The following TTC27 variants were observed in gnomAD, a reference collection of about 807,000 sequenced individuals.
The protein encoded by TTC27 is tetratricopeptide repeat protein 27.
Under a neutral mutation model 115.9 loss-of-function variants are expected in TTC27, and 79 were observed. The observed-to-expected ratio is 0.68, with a 90% confidence interval of 0.57 to 0.82. The LOEUF is 0.82. Among genes scored for constraint, TTC27 ranks in the 40% least tolerant of loss-of-function variants. TTC27 has a pLI of 0.00. For synonymous variants in TTC27, 401 were observed against 356.0 expected (o/e 1.13, Z -1.42); for missense variants, 1,054 against 993.1 (o/e 1.06, Z -0.82).
intron 7 of TTC27, among the ~76,000 whole-genome samples, chr2:32,668,560 C>CCTT (rs1665881149): frequency 3.8e-4 from 6 of 15,994 alleles, no homozygotes; most frequent in Admixed American, 1.3e-3. Context: ...CTCCCTCCCT[C>CCTT]CCTTCCTTCC....
At chr2:32,751,731 A>G (rs932593531) in intron 12 of TTC27, among the ~76,000 whole-genome samples, 2 of 152,216 alleles carry the variant, frequency 1.3e-5, no homozygotes, top group African/African-American at 4.8e-5. Context: ...TTTGGAAAAT[A>G]CTAGGGAAGA....
intron 4 of TTC27, among the ~76,000 whole-genome samples, chr2:32,649,407 A>G (rs995837696): frequency 2.6e-5 from 4 of 151,786 alleles, no homozygotes; most frequent in African/African-American, 9.7e-5. Context: ...ATGTGTTTGC[A>G]AGGGAATTAC....
At chr2:32,814,981 A>G (rs974504891) in intron 18 of TTC27, among the ~76,000 whole-genome samples, 1 of 152,324 alleles carries the variant, frequency 6.6e-6, no homozygotes, top group African/African-American at 2.4e-5. Flanking sequence ...GTAGCCATGC[A>G]CTTCAGAAAG....
chr2:32,682,847 G>GTTTTTTTTTT (rs70938360), intron 9 of TTC27, among the ~76,000 whole-genome samples: 4 of 49,778 alleles, frequency 8.0e-5, no homozygotes, highest in Admixed American at 3.4e-4. Flanking sequence ...TTTTATTGTT[G>GTTTTTTTTTT]TTTTTTTTTT....
chr2:32,708,387 C>T (rs1394178511), intron 10 of TTC27, among the ~76,000 whole-genome samples: 1 of 138,262 alleles, frequency 7.2e-6, no homozygotes, highest in Non-Finnish European at 1.5e-5. Flanking sequence ...TCTTGGCTCA[C>T]TACATTCTCC....
At chr2:32,798,713 A>AT (rs1553321533) in intron 16 of TTC27, among the ~76,000 whole-genome samples, 3 of 142,354 alleles carry the variant, frequency 2.1e-5, no homozygotes, top group Admixed American at 1.4e-4. Context: ...TCAAAAAAAA[A>AT]AATAATAATA....
chr2:32,786,127 AT>A (rs35589216), intron 15 of TTC27, among the ~76,000 whole-genome samples: 76,584 of 148,600 alleles, frequency 0.52, 19,619 homozygotes, highest in East Asian at 0.64. Flanking sequence ...CTTAAAATCA[AT>A]TTTTTTTTTT....
chr2:32,658,130 A>G (rs2053799), intron 5 of TTC27, among the ~76,000 whole-genome samples: 76,806 of 151,974 alleles, frequency 0.51, 20,323 homozygotes, highest in East Asian at 0.72. Flanking sequence ...ACCCGGCCCT[A>G]TTTAAAATTT....
chr2:32,678,810 C>T (rs376659668), intron 8 of TTC27, 46 bp from the exon 9 acceptor site: 5 of 1,390,472 alleles, frequency 3.6e-6, no homozygotes, highest in Non-Finnish European at 5.0e-6. Context: ...TCATTAGCTA[C>T]AACATGCATC....
At chr2:32,659,968 G>A (rs1229298521) in intron 5 of TTC27, among the ~76,000 whole-genome samples, 1 of 152,110 alleles carries the variant, frequency 6.6e-6, no homozygotes, top group Admixed American at 6.5e-5. Context: ...CAGTGCTGCA[G>A]TAAACATATG....
intron 4 of TTC27, among the ~76,000 whole-genome samples, chr2:32,644,551 A>G (rs1664776631): frequency 6.6e-6 from 1 of 152,014 alleles, no homozygotes; most frequent in African/African-American, 2.4e-5. Flanking sequence ...GTAGTATATT[A>G]CTATGTATAC....
chr2:32,766,934 C>T (rs569122555), intron 13 of TTC27, among the ~76,000 whole-genome samples: 1 of 152,170 alleles, frequency 6.6e-6, no homozygotes, highest in East Asian at 1.9e-4. Context: ...TATAGGCATG[C>T]ACCACCACGA....
chr2:32,794,512 C>G (rs1385387574), intron 16 of TTC27, among the ~76,000 whole-genome samples: 1 of 151,746 alleles, frequency 6.6e-6, no homozygotes, highest in African/African-American at 2.4e-5. Context: ...TATTTCAAGT[C>G]AATAACTTAA....
intron 6 of TTC27, among the ~76,000 whole-genome samples, chr2:32,664,853 G>C (rs1280553681): frequency 1.4e-5 from 2 of 145,160 alleles, no homozygotes; most frequent in African/African-American, 2.6e-5. Flanking sequence ...TTTTTTTTGA[G>C]ACCGAGTCTC....
chr2:32,641,151 T>C (rs1664631688), intron 4 of TTC27, among the ~76,000 whole-genome samples: 1 of 152,208 alleles, frequency 6.6e-6, no homozygotes, highest in African/African-American at 2.4e-5. Context: ...TTGGGTTGGA[T>C]TTAGTAAAGC....
rs781548686 is a variant in TTC27 at position 32,702,882 on chromosome 2, A to G, written c.1195A>G (p.Ser399Gly). Reference protein sequence around the residue: ...LILRTKLEKGSTRRVERAMRQ... With the variant: ...LILRTKLEKGGTRRVERAMRQ... Reference sequence around the variant, plus strand: ...CCTCCGGACAAAACTTGAGAAAGGAAGTACTCGCCGAGTGGAACGGGCAAT... The same window carrying G: ...CCTCCGGACAAAACTTGAGAAAGGAGGTACTCGCCGAGTGGAACGGGCAAT... Residue 399 changes from serine to glycine, a missense_variant, in exon 10 of 20, where the codon AGT becomes GGT. By Grantham distance (56) the Ser-to-Gly change is moderately conservative. Transcript: ENST00000317907. 3.4e-5 allele frequency: 55 copies of G among 1,614,022 alleles called. No individual in the cohort carries two copies. The highest frequency in any genetic ancestry group is 4.6e-5 in the Non-Finnish European group (54 of 1,180,012).
At chr2:32,738,742 T>C (rs2151917544) in intron 12 of TTC27, among the ~76,000 whole-genome samples, 1 of 152,374 alleles carries the variant, frequency 6.6e-6, no homozygotes. Flanking sequence ...TTAGTATTAC[T>C]GAAATAAACA....
intron 4 of TTC27, 86 bp downstream of exon 4, chr2:32,640,496 C>A: frequency 7.2e-7 from 1 of 1,381,520 alleles, no homozygotes; most frequent in Non-Finnish European, 9.9e-7. Flanking sequence ...CTGACAATGT[C>A]TTGGTCTATT....
chr2:32,682,948 G>A (rs932122397), intron 9 of TTC27, among the ~76,000 whole-genome samples: 4 of 139,674 alleles, frequency 2.9e-5, no homozygotes, highest in Non-Finnish European at 4.6e-5. Flanking sequence ...CCGCCTCCCG[G>A]GTTCATGCCA....
Sources: allele counts gnomAD v4.1 joint callset (sites outside exome capture counted in the v4.1 genomes callset), GRCh38; gene constraint gnomAD v4.1.1; transcripts MANE v1.5; gene names NCBI Gene and HGNC (gene_info 2026-07-23, HGNC 2026-07-21).